Variants in CCSER1 observed in about 807,000 individuals in gnomAD.
CCSER1 encodes serine-rich coiled-coil domain-containing protein 1.
In CCSER1, 41 loss-of-function variants were observed where a neutral mutation model predicts 82.0. That is an observed-to-expected ratio of 0.50 (90% CI 0.39 to 0.65). The LOEUF is 0.65. CCSER1 is among the 30% of genes least tolerant of loss of function. CCSER1 has a pLI of 0.00. For synonymous variants in CCSER1, 414 were observed against 383.9 expected (o/e 1.08, Z -0.92); for missense variants, 1,119 against 1,064.2 (o/e 1.05, Z -0.72).
At chr4:90,924,082 A>G (rs1358347853) in intron 9 of CCSER1, among the ~76,000 whole-genome samples, 1 of 152,164 alleles carries the variant, frequency 6.6e-6, no homozygotes, top group Non-Finnish European at 1.5e-5. Flanking sequence ...CAGCTAAGAA[A>G]TTTGCATTTT....
intron 5 of CCSER1, among the ~76,000 whole-genome samples, chr4:90,532,757 A>C (rs1281879354): frequency 6.6e-6 from 1 of 152,130 alleles, no homozygotes; most frequent in Non-Finnish European, 1.5e-5. Context: ...TTAGTTTTAC[A>C]TTTCCCTAGG....
intron 10 of CCSER1, among the ~76,000 whole-genome samples, chr4:91,465,172 A>C (rs545226786): frequency 6.6e-6 from 1 of 152,230 alleles, no homozygotes; most frequent in Non-Finnish European, 1.5e-5. Flanking sequence ...ATGACAGTGC[A>C]ATGAAACTAG....
At chr4:91,089,172 G>A (rs913670750) in intron 10 of CCSER1, among the ~76,000 whole-genome samples, 17 of 152,160 alleles carry the variant, frequency 1.1e-4, no homozygotes, top group South Asian at 2.1e-4. Context: ...TGAAAGGGCC[G>A]TGATTGATTG....
intron 1 of CCSER1, among the ~76,000 whole-genome samples, chr4:90,238,874 A>G (rs1331788079): frequency 3.3e-5 from 5 of 151,448 alleles, no homozygotes; most frequent in South Asian, 2.1e-4. Context: ...TTTTTGAGAC[A>G]GAGTCTCACT....
chr4:90,187,713 C>A (rs1734874755), intron 1 of CCSER1, among the ~76,000 whole-genome samples: 2 of 151,708 alleles, frequency 1.3e-5, no homozygotes, highest in South Asian at 4.1e-4. Flanking sequence ...TCTCACTTTG[C>A]TTTGAGGGAG....
intron 4 of CCSER1, among the ~76,000 whole-genome samples, chr4:90,464,258 T>C (rs542132186): frequency 6.6e-6 from 1 of 152,352 alleles, no homozygotes; most frequent in South Asian, 2.1e-4. Context: ...TGTTTATATA[T>C]TTAATAACTA....
intron 4 of CCSER1, among the ~76,000 whole-genome samples, chr4:90,411,815 A>C (rs1229414795): frequency 1.3e-5 from 2 of 152,168 alleles, no homozygotes; most frequent in East Asian, 3.9e-4. Context: ...TCAATTAGGA[A>C]AAGAGGCAGT....
chr4:90,932,104 A>G (rs1056122317), intron 9 of CCSER1, among the ~76,000 whole-genome samples: 1 of 152,196 alleles, frequency 6.6e-6, no homozygotes, highest in Non-Finnish European at 1.5e-5. Flanking sequence ...TATGCTCTGT[A>G]AAATAAGAAT....
At chr4:90,692,510 A>T (rs1451188607) in intron 6 of CCSER1, among the ~76,000 whole-genome samples, 2 of 151,974 alleles carry the variant, frequency 1.3e-5, no homozygotes, top group Non-Finnish European at 2.9e-5. Flanking sequence ...TTATAGGCAT[A>T]ATGACGGCAG....
intron 10 of CCSER1, among the ~76,000 whole-genome samples, chr4:91,463,415 A>G (rs1171117609): frequency 2.6e-5 from 4 of 152,198 alleles, no homozygotes; most frequent in Non-Finnish European, 5.9e-5. Flanking sequence ...GAAAAAACAG[A>G]GCAAAAAAGC....
intron 5 of CCSER1, among the ~76,000 whole-genome samples, chr4:90,566,338 G>T (rs1779374601): frequency 6.6e-6 from 1 of 151,418 alleles, no homozygotes; most frequent in Admixed American, 6.6e-5. Context: ...TTCCTCTTCT[G>T]TTTTTTGGAT....
intron 10 of CCSER1, among the ~76,000 whole-genome samples, chr4:91,587,890 A>C (rs1764075916): frequency 6.6e-6 from 1 of 151,724 alleles, no homozygotes; most frequent in Non-Finnish European, 1.5e-5. Flanking sequence ...TCAAGGTATT[A>C]AAATACATTA....
chr4:91,130,742 T>C (rs574158946), intron 10 of CCSER1, among the ~76,000 whole-genome samples: 33 of 151,970 alleles, frequency 2.2e-4, no homozygotes, highest in African/African-American at 6.5e-4. Flanking sequence ...GTGAGAGAAG[T>C]AATTACCAAC....
At chr4:90,659,197 A>G (rs1421360900) in intron 6 of CCSER1, among the ~76,000 whole-genome samples, 2 of 151,982 alleles carry the variant, frequency 1.3e-5, no homozygotes, top group African/African-American at 4.8e-5. Context: ...CAAGGTAAAA[A>G]TTTCTGGGAG....
intron 8 of CCSER1, among the ~76,000 whole-genome samples, chr4:90,843,195 A>G (rs1301874551): frequency 1.3e-5 from 2 of 151,804 alleles, no homozygotes; most frequent in African/African-American, 4.8e-5. Flanking sequence ...TAATAATAGT[A>G]TCTACTTCAT....
intron 5 of CCSER1, among the ~76,000 whole-genome samples, chr4:90,603,016 A>C (rs1378386553): frequency 1.3e-5 from 2 of 152,218 alleles, no homozygotes; most frequent in Non-Finnish European, 2.9e-5. Flanking sequence ...CTTGACCTGG[A>C]GAAGCTTTGA....
intron 10 of CCSER1, among the ~76,000 whole-genome samples, chr4:91,377,036 G>T (rs1242486573): frequency 6.6e-6 from 1 of 152,042 alleles, no homozygotes; most frequent in East Asian, 1.9e-4. Context: ...TGCTGAGAAT[G>T]ACGGTTTCCA....
At chr4:91,410,651 T>C (rs1257569621) in intron 10 of CCSER1, among the ~76,000 whole-genome samples, 1 of 152,142 alleles carries the variant, frequency 6.6e-6, no homozygotes, top group African/African-American at 2.4e-5. Context: ...AAACATATTA[T>C]GGCAAATGAA....
intron 10 of CCSER1, among the ~76,000 whole-genome samples, chr4:91,120,215 T>C (rs1156323675): frequency 6.6e-6 from 1 of 152,048 alleles, no homozygotes; most frequent in Non-Finnish European, 1.5e-5. Flanking sequence ...AAAAGAGCTC[T>C]AAAAGAGTTA....
Sources: gnomAD v4.1 joint callset for allele counts (sites outside exome capture counted in the v4.1 genomes callset) on GRCh38, gnomAD v4.1.1 for gene constraint, MANE v1.5 for transcripts, NCBI Gene and HGNC (gene_info 2026-07-23, HGNC 2026-07-21) for gene names.